CERS4: variants seen among roughly 807,000 people sequenced by gnomAD.
CERS4 encodes the protein ceramide synthase 4, also known as LAG1 homolog, ceramide synthase 4.
Under a neutral mutation model 51.8 loss-of-function variants are expected in CERS4, and 65 were observed. That is an observed-to-expected ratio of 1.26 (90% CI 1.03 to 1.54). CERS4 has a LOEUF of 1.54. Among genes scored for constraint, CERS4 ranks in the 40% most tolerant of loss-of-function variants. CERS4 has a pLI of 0.00. For synonymous variants in CERS4, 228 were observed against 208.4 expected (o/e 1.09, Z -0.81); for missense variants, 563 against 500.4 (o/e 1.13, Z -1.19).
chr19:8,238,462 T>TG, intron 2 of CERS4: 1 of 977,404 alleles, frequency 1.0e-6, no homozygotes, highest in Non-Finnish European at 1.2e-6. Flanking sequence ...CCTGGAGGCT[T>TG]GGGGCTGGTC....
In CERS4 at chr19:8,249,587, A is replaced by ATTTTTTTTTT. The variant is rs869119452; in HGVS notation, c.-1-1476_-1-1467dup. Reference sequence around the variant, plus strand: ...TAGATGGCCAGGAAAGGAACTCTGGATTTTTTTTTTTTTTTTTTTTTTGAG... The same window carrying ATTTTTTTTTT: ...TAGATGGCCAGGAAAGGAACTCTGGATTTTTTTTTTTTTTTTTTTTTTTTTTTTTTTTGAG... On this transcript the variant is annotated intron_variant, in intron 2 of 11. Transcript: ENST00000251363. Among the ~76,000 whole-genome samples the ATTTTTTTTTT allele has an allele frequency of 2.3e-4, 21 of 91,356 alleles. 1 individual carries two copies. Among genetic ancestry groups the ATTTTTTTTTT allele is most frequent in the African/African-American group, 5.1e-4 (12 of 23,340 alleles). 59.9% of individuals were successfully genotyped at this position (91,356 alleles called of 152,430 possible).
chr19:8,218,843 C>G (rs1329414525), intron 2 of CERS4, among the ~76,000 whole-genome samples: 2 of 152,092 alleles, frequency 1.3e-5, no homozygotes, highest in African/African-American at 4.8e-5. Flanking sequence ...ACCCAGAGGG[C>G]TGATGGAAGA....
rs764083919 is a variant in CERS4, at chr19:8,254,514, CCT to C, written c.190_191del (p.Leu64GlufsTer71). On this transcript the variant is annotated frameshift_variant, in exon 4 of 12. Transcript: ENST00000251363. LOFTEE classifies it high-confidence loss of function. ...LAFERFIGLPLSRWLGVRDQT... is the reference protein window; with the variant it reads ...LAFERFIGLPXSRWLGVRDQT... ...TTGCACCCAGATTCATTGGCCTGCC[CCT>C]GAGCCGGTGGCTGGGTGTGAGGGAT... is the stretch of plus-strand genomic sequence containing the variant. 34 of 1,613,612 alleles carry C rather than the reference CCT, an allele frequency of 2.1e-5. No individual in the cohort carries two copies. Among genetic ancestry groups the C allele is most frequent in the Non-Finnish European group, 2.4e-5 (28 of 1,179,952 alleles).
chr19:8,246,628 C>T (rs73495427), intron 2 of CERS4, among the ~76,000 whole-genome samples: 8,634 of 152,024 alleles, frequency 0.057, 711 homozygotes, highest in African/African-American at 0.18. Context: ...ATATTGAACC[C>T]TAGTTAATGA....
At chr19:8,213,450 C>A (rs1249396883) in intron 2 of CERS4, among the ~76,000 whole-genome samples, 1 of 152,120 alleles carries the variant, frequency 6.6e-6, no homozygotes, top group African/African-American at 2.4e-5. Context: ...AGGCATGCAC[C>A]ACCAGGCCTA....
chr19:8,252,696 C>T lies in CERS4; in HGVS notation c.173+1447C>T, dbSNP rs372637216. 2.2e-4 allele frequency among the ~76,000 whole-genome samples: 33 copies of T among 152,314 alleles called. No individual in the cohort carries two copies. The East Asian group carries it at 6.0e-3, about 28-fold the overall frequency. On this transcript the variant is annotated intron_variant, in intron 3 of 11. Coordinates refer to ENST00000251363, the MANE Select transcript of CERS4 (RefSeq NM_024552.3). ...TCAGGTGATCCACCCACCTTGGCCT[C>T]CCAAAGTGCTGGGATTACAGGCAAG...
rs371603349 is a variant in CERS4, at chr19:8,262,271, C to T, written c.*162C>T. 5.1e-4 allele frequency: 357 copies of T among 703,720 alleles called. No homozygotes were observed. The African/African-American group carries it at 6.1e-3, about 12-fold the overall frequency. The allele number at this position is 703,720 out of a possible 1,614,324, so 43.6% of individuals were successfully genotyped here. ...TCTGTCTCCAGCCCCTTCCTTCTGCCCACCCACCCTTCTTCCCTCTGGGCA... is the reference window on the plus strand; with the variant it reads ...TCTGTCTCCAGCCCCTTCCTTCTGCTCACCCACCCTTCTTCCCTCTGGGCA... On this transcript the variant is annotated 3_prime_UTR_variant, in exon 12 of 12. Coordinates refer to ENST00000251363, the MANE Select transcript of CERS4 (RefSeq NM_024552.3).
chr19:8,243,972 G>A (rs1968649735), intron 2 of CERS4, among the ~76,000 whole-genome samples: 2 of 152,240 alleles, frequency 1.3e-5, no homozygotes, highest in African/African-American at 4.8e-5. Context: ...CAAGTGGGGT[G>A]AGGCTGAAGA....
chr19:8,227,551 A>G (rs1404218549), intron 2 of CERS4, among the ~76,000 whole-genome samples: 1 of 151,956 alleles, frequency 6.6e-6, no homozygotes, highest in Non-Finnish European at 1.5e-5. Context: ...CATGTTGCCC[A>G]GGCTGGTCTC....
chr19:8,259,939 C>G (rs537952188), intron 10 of CERS4, among the ~76,000 whole-genome samples: 185 of 151,816 alleles, frequency 1.2e-3, no homozygotes, highest in African/African-American at 4.3e-3. Context: ...GATTACATCC[C>G]TCCTCTGGCT....
At chr19:8,240,175 A>G (rs1968464118) in intron 2 of CERS4, among the ~76,000 whole-genome samples, 1 of 152,134 alleles carries the variant, frequency 6.6e-6, no homozygotes, top group African/African-American at 2.4e-5. Flanking sequence ...TTGGAAGCCC[A>G]GCAAGCAGCA....
intron 10 of CERS4, among the ~76,000 whole-genome samples, chr19:8,260,284 T>C: frequency 6.7e-6 from 1 of 148,296 alleles, no homozygotes; most frequent in South Asian, 2.1e-4. Context: ...AACCTCCGCC[T>C]CCCGGGTTCA....
chr19:8,261,869 C>T (rs745699170), intron 11 of CERS4, 25 bp downstream of exon 11: 12 of 1,613,726 alleles, frequency 7.4e-6, no homozygotes, highest in Non-Finnish European at 1.0e-5. Context: ...CCCCGGGGGC[C>T]CCAGCCCTAA....
chr19:8,258,440 A>G (rs1257050275), intron 10 of CERS4, among the ~76,000 whole-genome samples: 2 of 152,166 alleles, frequency 1.3e-5, no homozygotes, highest in South Asian at 2.1e-4. Context: ...CGGGCGTGGT[A>G]GCTCATGCCT....
chr19:8,255,665 G>T lies in CERS4; in HGVS notation c.350G>T (p.Trp117Leu). 6.2e-7 allele frequency: 1 copy of T among 1,613,282 alleles called. No homozygotes were observed. Among genetic ancestry groups the T allele is most frequent in the Non-Finnish European group, 8.5e-7 (1 of 1,179,948 alleles). Residue 117 changes from tryptophan to leucine, a missense_variant, in exon 5 of 12, where the codon TGG (tryptophan) becomes TTG (leucine). By Grantham distance (61) the Trp-to-Leu change is moderately conservative. Coordinates refer to ENST00000251363, the MANE Select transcript of CERS4 (RefSeq NM_024552.3). ...CTCACGCTGCAGCAGACCCAGCGAT[G>T]GTTCCGGAGACGCCGGAACCAGGAT... Reference protein sequence around the residue: ...CGLTLQQTQRWFRRRRNQDRP... With the variant: ...CGLTLQQTQRLFRRRRNQDRP...
intron 8 of CERS4, 88 bp from the exon 9 acceptor site, chr19:8,256,861 C>T: frequency 6.2e-7 from 1 of 1,603,702 alleles, no homozygotes. Flanking sequence ...CACACCAACC[C>T]CCTGAAAGGA....
At chr19:8,239,192 A>C (rs1304253082) in intron 2 of CERS4, among the ~76,000 whole-genome samples, 2 of 151,970 alleles carry the variant, frequency 1.3e-5, no homozygotes, top group Non-Finnish European at 2.9e-5. Context: ...ACCTGAGGTC[A>C]AGAGTTCGAA....
chr19:8,225,852 CT>C (rs68090061), intron 2 of CERS4, among the ~76,000 whole-genome samples: 57,516 of 151,702 alleles, frequency 0.38, 11,302 homozygotes, highest in Non-Finnish European at 0.44. Context: ...CTATGTGACC[CT>C]GTGTAGGTGA....
intron 10 of CERS4, among the ~76,000 whole-genome samples, chr19:8,260,709 G>A (rs1226997519): frequency 6.6e-6 from 1 of 151,640 alleles, no homozygotes; most frequent in Admixed American, 6.6e-5. Context: ...CAGCACTTTG[G>A]GAGGCTGAGG....
Sources: gnomAD v4.1 joint callset for allele counts (sites outside exome capture counted in the v4.1 genomes callset) on GRCh38, gnomAD v4.1.1 for gene constraint, MANE v1.5 for transcripts, NCBI Gene and HGNC (gene_info 2026-07-23, HGNC 2026-07-21) for gene names.